HPSE2: variants seen among roughly 807,000 people sequenced by gnomAD.
The protein encoded by HPSE2 is inactive heparanase-2.
A neutral mutation model predicts 60.5 loss-of-function variants in HPSE2; 38 were observed. The ratio of observed to expected loss-of-function variants is 0.63; its 90% CI spans 0.48 to 0.82. The LOEUF (loss-of-function observed/expected upper bound fraction) is 0.82, where lower values mean the gene tolerates loss of function less well. Ranked by LOEUF, HPSE2 falls within the 40% of genes least tolerant of loss-of-function variation. The pLI, the probability that HPSE2 is intolerant of heterozygous loss-of-function variation, is 0.00. For synonymous variants in HPSE2, 295 were observed against 293.2 expected (o/e 1.01, Z -0.06); for missense variants, 713 against 740.4 (o/e 0.96, Z 0.43).
intron 3 of HPSE2, among the ~76,000 whole-genome samples, chr10:98,827,616 T>C (rs1311524461): frequency 1.3e-5 from 2 of 152,184 alleles, no homozygotes; most frequent in Admixed American, 6.5e-5. Flanking sequence ...TTAAATTTGA[T>C]TACAAAGGGG....
upstream of HPSE2, among the ~76,000 whole-genome samples, chr10:99,238,546 G>A (rs1432456455): frequency 1.3e-5 from 2 of 152,126 alleles, no homozygotes; most frequent in Non-Finnish European, 2.9e-5. Flanking sequence ...TTCTATAGAG[G>A]ACATCAGGGG....
At chr10:99,303,683 T>C in the HPSE2 span, among the ~76,000 whole-genome samples, 1 of 152,154 alleles carries the variant, frequency 6.6e-6, no homozygotes, top group Non-Finnish European at 1.5e-5. Context: ...AAACTACATA[T>C]ATGAGCCTTT....
intron 9 of HPSE2, among the ~76,000 whole-genome samples, chr10:98,536,654 A>G (rs1943291900): frequency 6.6e-6 from 1 of 152,114 alleles, no homozygotes; most frequent in Non-Finnish European, 1.5e-5. Flanking sequence ...CGTGCTGGAG[A>G]ATTAGCTCAT....
intron 3 of HPSE2, among the ~76,000 whole-genome samples, chr10:98,767,560 T>C (rs1330904210): frequency 6.8e-6 from 1 of 147,182 alleles, no homozygotes; most frequent in Non-Finnish European, 1.5e-5. Flanking sequence ...CATATATGTA[T>C]ATTATGTAAT....
the HPSE2 span, among the ~76,000 whole-genome samples, chr10:99,301,000 G>A: frequency 6.6e-6 from 1 of 152,164 alleles, no homozygotes; most frequent in Non-Finnish European, 1.5e-5. Context: ...CAGGATCTAA[G>A]GGCAGTTAAT....
chr10:98,891,884 C>A (rs1379096213), intron 3 of HPSE2, among the ~76,000 whole-genome samples: 1 of 152,106 alleles, frequency 6.6e-6, no homozygotes, highest in Non-Finnish European at 1.5e-5. Context: ...ATCTTCCCAC[C>A]TCAAGCCTCC....
chr10:98,792,041 C>T (rs551266019), intron 3 of HPSE2, among the ~76,000 whole-genome samples: 30 of 152,120 alleles, frequency 2.0e-4, no homozygotes, highest in Middle Eastern at 3.2e-3. Context: ...GGAAAATATG[C>T]GCATTATTAT....
intron 6 of HPSE2, among the ~76,000 whole-genome samples, chr10:98,663,416 T>C (rs1947277871): frequency 2.0e-5 from 3 of 152,166 alleles, no homozygotes; most frequent in Admixed American, 6.5e-5. Context: ...TAGAGGGTTC[T>C]AGGGCTGACT....
At chr10:98,718,909 T>C (rs569469538) in intron 5 of HPSE2, among the ~76,000 whole-genome samples, 1 of 152,278 alleles carries the variant, frequency 6.6e-6, no homozygotes, top group East Asian at 1.9e-4. Context: ...TGGCTTATTG[T>C]ATATTCCAAA....
intron 3 of HPSE2, among the ~76,000 whole-genome samples, chr10:99,069,607 T>C (rs1393869417): frequency 6.6e-6 from 1 of 151,004 alleles, no homozygotes; most frequent in African/African-American, 2.4e-5. Context: ...ACACGCTCAC[T>C]ACAGTTAGAG....
At chr10:98,600,794 A>C (rs1945377525) in intron 9 of HPSE2, among the ~76,000 whole-genome samples, 1 of 43,604 alleles carries the variant, frequency 2.3e-5, no homozygotes, top group Non-Finnish European at 1.2e-4. Context: ...ACATGTATGT[A>C]TATATACACG....
chr10:99,144,295 G>C lies in HPSE2; in HGVS notation c.553C>G (p.His185Asp). The change falls in exon 3 of 12, where the codon CAT becomes GAT. Residue 185 changes from histidine (H) to aspartate (D), a missense_variant. His to Asp is a moderately conservative substitution (Grantham distance 81, BLOSUM62 -1). Transcript: ENST00000370552. ...ELQREKAAQM[H>D]LVLLKEQFSN... ...AATTGCTCCTTTAGAAGAACCAGAT[G>C]CATCTGAGCTGCCTTCTCCCTTTGG... The C allele has an allele frequency of 6.2e-7, 1 of 1,614,072 alleles. No homozygotes were observed. The highest frequency in any genetic ancestry group is 8.5e-7 in the Non-Finnish European group (1 of 1,179,994).
rs1950195337 is a variant in HPSE2, at chr10:98,769,431, C to T, written c.611-25375G>A. Among the ~76,000 whole-genome samples the T allele has an allele frequency of 3.3e-5, 5 of 152,244 alleles. No homozygotes were observed. In the South Asian group the frequency reaches 1.0e-3, roughly 32 times the overall value. On this transcript the variant is annotated intron_variant, in intron 3 of 11. Coordinates refer to ENST00000370552, the MANE Select transcript of HPSE2 (RefSeq NM_021828.5). Reference sequence around the variant, plus strand: ...AAGATGTTTTCTTAGGAAGAAATTTCTTAAGATGGCATGATGACACACTAC... The same window carrying T: ...AAGATGTTTTCTTAGGAAGAAATTTTTTAAGATGGCATGATGACACACTAC...
At chr10:99,239,679 C>T (rs1849913234), upstream of HPSE2, among the ~76,000 whole-genome samples, 1 of 151,816 alleles carries the variant, frequency 6.6e-6, no homozygotes, top group Admixed American at 6.6e-5. Flanking sequence ...ATCCACCCAC[C>T]TCAGTCTCCC....
chr10:99,007,438 C>T (rs1477682298), intron 3 of HPSE2, among the ~76,000 whole-genome samples: 1 of 152,176 alleles, frequency 6.6e-6, no homozygotes, highest in Non-Finnish European at 1.5e-5. Flanking sequence ...CTTTCCTACC[C>T]TCTTCAATGT....
At chr10:98,510,717 T>G (rs918039702) in intron 9 of HPSE2, among the ~76,000 whole-genome samples, 3 of 152,240 alleles carry the variant, frequency 2.0e-5, no homozygotes, top group African/African-American at 7.2e-5. Flanking sequence ...AAACATTTTC[T>G]GAGCACATAT....
intron 3 of HPSE2, among the ~76,000 whole-genome samples, chr10:98,748,945 C>A (rs6584218): frequency 0.71 from 107,673 of 151,786 alleles, 39,199 homozygotes; most frequent in South Asian, 0.81. Flanking sequence ...TGTGATGAGA[C>A]CTTAAAGAAT....
At chr10:98,668,967 G>C (rs962183894) in intron 6 of HPSE2, among the ~76,000 whole-genome samples, 1 of 151,932 alleles carries the variant, frequency 6.6e-6, no homozygotes, top group East Asian at 1.9e-4. Flanking sequence ...AAATAGCCTA[G>C]AGAAAATATT....
intron 5 of HPSE2, among the ~76,000 whole-genome samples, chr10:98,696,487 G>C (rs755668011): frequency 7.9e-5 from 12 of 152,122 alleles, no homozygotes; most frequent in Non-Finnish European, 1.5e-4. Flanking sequence ...AGTCAGGAAA[G>C]GCAGTCAGTG....
Sources: allele counts gnomAD v4.1 joint callset (sites outside exome capture counted in the v4.1 genomes callset), GRCh38; gene constraint gnomAD v4.1.1; transcripts MANE v1.5; gene names NCBI Gene and HGNC (gene_info 2026-07-23, HGNC 2026-07-21).